CFAP58: variants seen among roughly 807,000 people sequenced by gnomAD.
CFAP58 encodes cilia and flagella associated protein 58, also known as cilia- and flagella-associated protein 58.
Under a neutral mutation model 119.5 loss-of-function variants are expected in CFAP58, and 88 were observed. That is an observed-to-expected ratio of 0.74 (90% CI 0.62 to 0.88). The LOEUF (loss-of-function observed/expected upper bound fraction) is 0.88, where lower values mean the gene tolerates loss of function less well. CFAP58 is among the 40% of genes least tolerant of loss of function. The pLI, the probability that CFAP58 is intolerant of heterozygous loss-of-function variation, is 0.00. For synonymous variants in CFAP58, 365 were observed against 366.3 expected, an observed-to-expected ratio of 1.00 and a Z score of 0.04; for missense variants, 990 against 1,021.2, an observed-to-expected ratio of 0.97 and a Z score of 0.42.
chr10:104,399,040 G>A lies in CFAP58; in HGVS notation c.1675-320G>A, dbSNP rs566706853. ...TCTTTGTGAATTCTCCTGGTGTTTAGCTGGTAAGAGATGAAGTGCTGCTGA... is the reference window on the plus strand; with the variant it reads ...TCTTTGTGAATTCTCCTGGTGTTTAACTGGTAAGAGATGAAGTGCTGCTGA... On this transcript the variant is annotated intron_variant, in intron 11 of 17. Coordinates refer to ENST00000369704, the MANE Select transcript of CFAP58 (RefSeq NM_001008723.2). Among the ~76,000 whole-genome samples the A allele has an allele frequency of 2.0e-5, 3 of 152,250 alleles. No homozygotes were observed. In the South Asian group the frequency reaches 6.2e-4, roughly 32 times the overall value.
At chr10:104,345,624 C>T in the CFAP58 span, among the ~76,000 whole-genome samples, 3 of 152,072 alleles carry the variant, frequency 2.0e-5, no homozygotes, top group Admixed American at 1.3e-4. Flanking sequence ...GGTGGGGAGA[C>T]ATAGAAGTGA....
At chr10:104,360,194 C>T (rs1460703066) in intron 2 of CFAP58, among the ~76,000 whole-genome samples, 1 of 152,168 alleles carries the variant, frequency 6.6e-6, no homozygotes, top group African/African-American at 2.4e-5. Context: ...TTCTACTCGA[C>T]AGAATTTTGC....
At chr10:104,418,650 CA>C (rs1300792855) in intron 15 of CFAP58, among the ~76,000 whole-genome samples, 3 of 152,204 alleles carry the variant, frequency 2.0e-5, no homozygotes, top group Non-Finnish European at 2.9e-5. Flanking sequence ...CTGAACATTC[CA>C]TTACCATGAC....
chr10:104,391,408 A>G (rs1043855075), intron 9 of CFAP58, among the ~76,000 whole-genome samples: 3 of 152,182 alleles, frequency 2.0e-5, no homozygotes, highest in Admixed American at 2.0e-4. Context: ...CTTTCTTAAG[A>G]ATTTTCTCCT....
At chr10:104,450,326 A>T in intron 17 of CFAP58, 122 bp downstream of exon 17, 1 of 1,009,116 alleles carries the variant, frequency 9.9e-7, no homozygotes, top group Non-Finnish European at 1.5e-6. Flanking sequence ...GGGTAAACAA[A>T]TGACATTCTA....
intron 15 of CFAP58, among the ~76,000 whole-genome samples, chr10:104,430,539 G>A (rs1362477040): frequency 6.6e-6 from 1 of 152,166 alleles, no homozygotes; most frequent in African/African-American, 2.4e-5. Context: ...GTGCTTTATG[G>A]AACAATTTGC....
chr10:104,368,293 C>A, intron 5 of CFAP58, 130 bp from the exon 6 acceptor site: 1 of 774,958 alleles, frequency 1.3e-6, no homozygotes, highest in Non-Finnish European at 2.0e-6. Flanking sequence ...GAATAAAGAA[C>A]AATTTCTACA....
the CFAP58 span, among the ~76,000 whole-genome samples, chr10:104,339,859 A>G: frequency 6.6e-6 from 1 of 152,104 alleles, no homozygotes; most frequent in African/African-American, 2.4e-5. Context: ...AAATGTCTAG[A>G]AGTTGGTCCG....
chr10:104,362,041 A>G lies in CFAP58; in HGVS notation c.310A>G (p.Lys104Glu), dbSNP rs1001451681. The G allele has an allele frequency of 4.3e-6, 7 of 1,613,830 alleles. No homozygotes were observed. The African/African-American group carries it at 9.3e-5, about 22-fold the overall frequency. Residue 104 changes from lysine to glutamate, a missense_variant, in exon 3 of 18, where the codon AAG becomes GAG. By Grantham distance (56) the Lys-to-Glu change is moderately conservative. Transcript: ENST00000369704. Reference sequence around the variant, plus strand: ...CATCTAGGAAATTGAAAAGGCCTGGAAGATGGTGGACTCAGCCTATGACAA... The same window carrying G: ...CATCTAGGAAATTGAAAAGGCCTGGGAGATGGTGGACTCAGCCTATGACAA... ...SLKKEIEKAWKMVDSAYDKEQ... is the reference protein window; with the variant it reads ...SLKKEIEKAWEMVDSAYDKEQ...
chr10:104,413,921 G>T (rs1363623135), intron 15 of CFAP58, among the ~76,000 whole-genome samples: 2 of 152,176 alleles, frequency 1.3e-5, no homozygotes, highest in South Asian at 2.1e-4. Flanking sequence ...TACTCAAATG[G>T]TTTCTTCCAA....
chr10:104,385,702 C>A (rs562404774), intron 9 of CFAP58, among the ~76,000 whole-genome samples: 2 of 152,026 alleles, frequency 1.3e-5, no homozygotes, highest in African/African-American at 4.8e-5. Context: ...GAATAGAAAC[C>A]AGCCTACAGA....
intron 15 of CFAP58, among the ~76,000 whole-genome samples, chr10:104,443,917 A>G (rs1283816318): frequency 5.3e-5 from 8 of 152,244 alleles, no homozygotes; most frequent in Admixed American, 4.6e-4. Flanking sequence ...ATGTGTGATT[A>G]CCCAGCATAA....
chr10:104,344,209 C>T, the CFAP58 span, among the ~76,000 whole-genome samples: 2 of 152,228 alleles, frequency 1.3e-5, no homozygotes, highest in Non-Finnish European at 2.9e-5. Context: ...TCATTGCTCT[C>T]CTTGTAGTTA....
In CFAP58 at chr10:104,400,725, A is replaced by C. The variant is rs1327040078; in HGVS notation, c.1861A>C (p.Asn621His). The change falls in exon 13 of 18, where the codon AAT (asparagine) becomes CAT (histidine). Residue 621 changes from asparagine (N) to histidine (H), a missense_variant. Transcript: ENST00000369704. ...CCTGGGGTCTCAGCTTGTTCGGCGC[A>C]ATGATGAGTTAGCTTTGCTCTATGA... ...DILGSQLVRR[N>H]DELALLYEKI... 6.2e-7 allele frequency: 1 copy of C among 1,614,126 alleles called. No homozygotes were observed. The highest frequency in any genetic ancestry group is 8.5e-7 in the Non-Finnish European group (1 of 1,180,018).
At chr10:104,444,708 A>C (rs2013086730) in intron 15 of CFAP58, among the ~76,000 whole-genome samples, 1 of 152,220 alleles carries the variant, frequency 6.6e-6, no homozygotes, top group South Asian at 2.1e-4. Flanking sequence ...TTCCACTGTA[A>C]GCATTGACCA....
chr10:104,357,631 A>G (rs934960723), intron 1 of CFAP58, among the ~76,000 whole-genome samples: 4 of 152,126 alleles, frequency 2.6e-5, no homozygotes, highest in African/African-American at 7.2e-5. Context: ...AATGTTTAAC[A>G]TCAGTGATCT....
chr10:104,385,300 T>C (rs73335163), intron 9 of CFAP58, among the ~76,000 whole-genome samples: 2,404 of 152,246 alleles, frequency 0.016, 33 homozygotes, highest in African/African-American at 0.038. Context: ...TCTAGACTTA[T>C]TGTTGTTGTA....
intron 7 of CFAP58, among the ~76,000 whole-genome samples, chr10:104,375,335 G>C (rs1380384988): frequency 3.3e-5 from 5 of 151,814 alleles, no homozygotes; most frequent in Non-Finnish European, 5.9e-5. Context: ...GTAGATTCTG[G>C]TTGATTTAAA....
At chr10:104,383,231 G>A (rs888396467) in intron 9 of CFAP58, among the ~76,000 whole-genome samples, 4 of 152,194 alleles carry the variant, frequency 2.6e-5, no homozygotes, top group East Asian at 1.9e-4. Flanking sequence ...TTGTCACTTC[G>A]TACTTTTATG....
Sources: gnomAD v4.1 joint callset for allele counts (sites outside exome capture counted in the v4.1 genomes callset) on GRCh38, gnomAD v4.1.1 for gene constraint, MANE v1.5 for transcripts, NCBI Gene and HGNC (gene_info 2026-07-23, HGNC 2026-07-21) for gene names.